Variants in OPCML observed in about 807,000 individuals in gnomAD.
OPCML encodes opioid binding protein/cell adhesion molecule like.
A neutral mutation model predicts 37.8 loss-of-function variants in OPCML; 13 were observed. That is an observed-to-expected ratio of 0.34 (90% CI 0.22 to 0.55). The LOEUF (loss-of-function observed/expected upper bound fraction) is 0.55. OPCML is among the 20% of genes least tolerant of loss of function. The pLI is 0.91. For missense variants in OPCML, 341 were observed against 435.6 expected (o/e 0.78, Z 1.93); for synonymous variants, 176 against 168.8 (o/e 1.04, Z -0.33).
chr11:133,343,244 C>A (rs933358263), intron 1 of OPCML, among the ~76,000 whole-genome samples: 1 of 152,046 alleles, frequency 6.6e-6, no homozygotes, highest in Non-Finnish European at 1.5e-5. Context: ...GTGTAGTCAC[C>A]CGCCCCTAAT....
At chr11:132,484,108 A>G (rs1487125221) in intron 4 of OPCML, among the ~76,000 whole-genome samples, 1 of 152,242 alleles carries the variant, frequency 6.6e-6, no homozygotes, top group Non-Finnish European at 1.5e-5. Context: ...AGCAAAAGAA[A>G]CTACCTTCAG....
At chr11:133,104,454 A>G (rs549555313) in intron 1 of OPCML, among the ~76,000 whole-genome samples, 3 of 152,236 alleles carry the variant, frequency 2.0e-5, no homozygotes, top group Non-Finnish European at 4.4e-5. Context: ...ACATTTTTAT[A>G]AAACAAGTTA....
chr11:132,632,379 T>C (rs1479217464), intron 3 of OPCML, among the ~76,000 whole-genome samples: 1 of 151,946 alleles, frequency 6.6e-6, no homozygotes, highest in Non-Finnish European at 1.5e-5. Context: ...CTTAACTCAT[T>C]ACACCTTCAC....
chr11:132,672,904 T>C (rs1942538012), intron 2 of OPCML, among the ~76,000 whole-genome samples: 1 of 152,172 alleles, frequency 6.6e-6, no homozygotes, highest in Non-Finnish European at 1.5e-5. Context: ...ATTGTTGTAA[T>C]ATCACCTTCA....
At chr11:132,952,030 C>T (rs183613047) in intron 1 of OPCML, among the ~76,000 whole-genome samples, 61 of 152,276 alleles carry the variant, frequency 4.0e-4, no homozygotes, top group African/African-American at 1.4e-3. Context: ...ATAAGGAAGA[C>T]TTACAGCTTG....
rs1023772688 is a variant in OPCML, at chr11:133,431,940, C to T, written c.61+100324G>A. ...AATTGGAAGAAAATATATCAAAATACGTACGGTTCTCTCTGGATAAGAGGA... is the reference window on the plus strand; with the variant it reads ...AATTGGAAGAAAATATATCAAAATATGTACGGTTCTCTCTGGATAAGAGGA... On this transcript the variant is annotated intron_variant, in intron 1 of 7. Coordinates refer to ENST00000524381, the MANE Select transcript of OPCML (RefSeq NM_001012393.5). 2.2e-4 allele frequency among the ~76,000 whole-genome samples: 34 copies of T among 151,946 alleles called. 1 individual carries two copies. Among genetic ancestry groups the T allele is most frequent in the African/African-American group, 7.0e-4 (29 of 41,460 alleles).
chr11:132,608,139 TAAATAA>T (rs1446947026), intron 3 of OPCML, among the ~76,000 whole-genome samples: 8 of 152,196 alleles, frequency 5.3e-5, no homozygotes, highest in Admixed American at 5.2e-4. Context: ...TATTTATGTA[TAAATAA>T]AAATAAGATA....
At chr11:132,790,276 A>T (rs1937808599) in intron 2 of OPCML, among the ~76,000 whole-genome samples, 1 of 152,202 alleles carries the variant, frequency 6.6e-6, no homozygotes, top group Non-Finnish European at 1.5e-5. Context: ...AGATAAAAAC[A>T]ATAGGTTCTA....
intron 1 of OPCML, among the ~76,000 whole-genome samples, chr11:133,127,718 T>C (rs1222985352): frequency 6.6e-6 from 1 of 151,772 alleles, no homozygotes; most frequent in Non-Finnish European, 1.5e-5. Context: ...GATATAAATG[T>C]GAACAAAACA....
At chr11:132,656,197 A>G (rs957699531) in intron 3 of OPCML, among the ~76,000 whole-genome samples, 1 of 152,124 alleles carries the variant, frequency 6.6e-6, no homozygotes, top group Non-Finnish European at 1.5e-5. Context: ...ATGGCTTTAC[A>G]TGGTGATGAT....
At chr11:133,089,089 G>A (rs954214613) in intron 1 of OPCML, among the ~76,000 whole-genome samples, 4 of 152,184 alleles carry the variant, frequency 2.6e-5, no homozygotes, top group Non-Finnish European at 5.9e-5. Flanking sequence ...TTGGATCTAA[G>A]CCAATTAAAT....
chr11:133,379,827 G>A (rs1449858499), intron 1 of OPCML, among the ~76,000 whole-genome samples: 1 of 152,116 alleles, frequency 6.6e-6, no homozygotes, highest in African/African-American at 2.4e-5. Flanking sequence ...TATTCCTGTA[G>A]TAAAAAAGCC....
At chr11:132,743,333 G>A (rs1208004010) in intron 2 of OPCML, among the ~76,000 whole-genome samples, 1 of 152,034 alleles carries the variant, frequency 6.6e-6, no homozygotes, top group Non-Finnish European at 1.5e-5. Flanking sequence ...GATTAGCACT[G>A]GGATATGTTG....
intron 1 of OPCML, among the ~76,000 whole-genome samples, chr11:133,404,641 G>A (rs1376401759): frequency 1.3e-5 from 2 of 152,234 alleles, no homozygotes; most frequent in African/African-American, 4.8e-5. Flanking sequence ...CGATTGAGTA[G>A]TAACGATAAG....
intron 1 of OPCML, among the ~76,000 whole-genome samples, chr11:133,434,187 C>T (rs1420997378): frequency 6.6e-6 from 1 of 152,076 alleles, no homozygotes; most frequent in African/African-American, 2.4e-5. Context: ...ATTCACTTTC[C>T]TCATGAAAGC....
intron 1 of OPCML, among the ~76,000 whole-genome samples, chr11:133,458,249 T>C (rs28881589): frequency 0.14 from 8,057 of 57,790 alleles, 987 homozygotes; most frequent in African/African-American, 0.43. Flanking sequence ...TATATACACA[T>C]ATATATACAC....
chr11:132,822,375 A>C (rs1940047630), intron 2 of OPCML, among the ~76,000 whole-genome samples: 1 of 152,194 alleles, frequency 6.6e-6, no homozygotes, highest in Admixed American at 6.5e-5. Context: ...AACTTCTAGA[A>C]ATAGATGCAA....
intron 1 of OPCML, among the ~76,000 whole-genome samples, chr11:133,197,699 C>T (rs972364052): frequency 6.6e-6 from 1 of 152,176 alleles, no homozygotes; most frequent in African/African-American, 2.4e-5. Flanking sequence ...ATTGATGCAG[C>T]TGGTATTGAA....
intron 1 of OPCML, among the ~76,000 whole-genome samples, chr11:133,229,457 G>A (rs971010456): frequency 2.0e-5 from 3 of 152,036 alleles, no homozygotes; most frequent in Non-Finnish European, 4.4e-5. Flanking sequence ...CTTCCTTTAA[G>A]GGAAAAGGAT....
Sources: gnomAD v4.1 joint callset for allele counts (sites outside exome capture counted in the v4.1 genomes callset) on GRCh38, gnomAD v4.1.1 for gene constraint, MANE v1.5 for transcripts, NCBI Gene and HGNC (gene_info 2026-07-23, HGNC 2026-07-21) for gene names.